LY86: variants seen among roughly 807,000 people sequenced by gnomAD.
LY86 encodes MD-1, RP105-associated.
LY86 carries 20 observed loss-of-function variants against 17.3 expected under a neutral mutation model. That is an observed-to-expected ratio of 1.15 (90% confidence interval 0.81 to 1.68). LY86 has a LOEUF of 1.68. Among genes scored for constraint, LY86 ranks in the 40% most tolerant of loss-of-function variants. LY86 has a pLI of 0.00. For missense variants in LY86, 200 were observed against 191.9 expected, an observed-to-expected ratio of 1.04 and a Z score of -0.25; for synonymous variants, 74 against 70.6, an observed-to-expected ratio of 1.05 and a Z score of -0.24.
chr6:6,606,025 G>A (rs537451845), intron 1 of LY86, among the ~76,000 whole-genome samples: 18 of 152,308 alleles, frequency 1.2e-4, no homozygotes, highest in Admixed American at 4.6e-4. Context: ...AACTTCCACA[G>A]CACGTAATAC....
At chr6:6,625,864 G>A (rs1047131951) in intron 2 of LY86, among the ~76,000 whole-genome samples, 3 of 152,186 alleles carry the variant, frequency 2.0e-5, no homozygotes, top group South Asian at 2.1e-4. Flanking sequence ...GGAACCCGCT[G>A]CAGCTTCCTG....
chr6:6,603,615 C>CAAAAAAAAAAAAAAAAAAAAAAAAAAA (rs1221531073), intron 1 of LY86, among the ~76,000 whole-genome samples: 2 of 114,176 alleles, frequency 1.8e-5, no homozygotes, highest in African/African-American at 6.8e-5. Flanking sequence ...GAAAAAAAAA[C>CAAAAAAAAAAAAAAAAAAAAAAAAAAA]AAACAAAAAA....
intron 3 of LY86, among the ~76,000 whole-genome samples, chr6:6,643,324 A>G (rs1228188059): frequency 1.3e-5 from 2 of 152,258 alleles, no homozygotes; most frequent in African/African-American, 4.8e-5. Context: ...ACAATGGAAT[A>G]TGATTCAGCC....
At chr6:6,653,207 C>T (rs962684385) in intron 4 of LY86, among the ~76,000 whole-genome samples, 2 of 152,208 alleles carry the variant, frequency 1.3e-5, no homozygotes, top group Non-Finnish European at 2.9e-5. Context: ...ACTCCACTCT[C>T]TTTGGAAGCT....
chr6:6,595,481 G>A (rs1309348395), intron 1 of LY86, among the ~76,000 whole-genome samples: 2 of 151,288 alleles, frequency 1.3e-5, no homozygotes, highest in Non-Finnish European at 3.0e-5. Context: ...GGAGGGGAGA[G>A]ATTCATCTCC....
chr6:6,601,310 T>TC (rs1036420142), intron 1 of LY86, among the ~76,000 whole-genome samples: 67 of 152,076 alleles, frequency 4.4e-4, no homozygotes, highest in African/African-American at 1.5e-3. Flanking sequence ...ACCACAGTCA[T>TC]CCCCTACATC....
chr6:6,591,809 AGCAG>A (rs138328000), intron 1 of LY86, among the ~76,000 whole-genome samples: 65 of 152,340 alleles, frequency 4.3e-4, no homozygotes, highest in Non-Finnish European at 2.6e-4. Context: ...GAGTTTAATC[AGCAG>A]GCAAAGTGGA....
chr6:6,621,729 G>A (rs7770797), intron 1 of LY86, among the ~76,000 whole-genome samples: 102,103 of 151,996 alleles, frequency 0.67, 35,698 homozygotes, highest in African/African-American at 0.87. Context: ...TAAGGTTCTC[G>A]GCAAATTTAC....
intron 1 of LY86, among the ~76,000 whole-genome samples, chr6:6,616,869 A>AAAAC (rs1761567274): frequency 6.6e-6 from 1 of 152,222 alleles, no homozygotes; most frequent in African/African-American, 2.4e-5. Context: ...CCCTGTCAAG[A>AAAAC]GACAGACAAA....
At chr6:6,612,811 G>A (rs565826795) in intron 1 of LY86, among the ~76,000 whole-genome samples, 1 of 152,292 alleles carries the variant, frequency 6.6e-6, no homozygotes, top group Admixed American at 6.5e-5. Flanking sequence ...GACACAGAGT[G>A]CTGATTGGTG....
At chr6:6,608,636 A>T (rs1024157720) in intron 1 of LY86, among the ~76,000 whole-genome samples, 3 of 152,224 alleles carry the variant, frequency 2.0e-5, no homozygotes, top group Admixed American at 6.5e-5. Flanking sequence ...TAATGTTTCC[A>T]TGCACACTAA....
At chr6:6,626,553 T>A (rs1561788619) in intron 3 of LY86, 132 bp downstream of exon 3, 2 of 929,264 alleles carry the variant, frequency 2.2e-6, no homozygotes, top group Admixed American at 4.9e-5. Flanking sequence ...TATCCTCACT[T>A]ATCAGCATGT....
chr6:6,638,595 T>A (rs529392953), intron 3 of LY86, among the ~76,000 whole-genome samples: 44 of 78,014 alleles, frequency 5.6e-4, no homozygotes, highest in African/African-American at 1.8e-3. Flanking sequence ...CACAGAACAT[T>A]CCCATTTTTG....
intron 1 of LY86, among the ~76,000 whole-genome samples, chr6:6,613,543 G>A (rs1314214516): frequency 6.6e-6 from 1 of 152,136 alleles, no homozygotes; most frequent in African/African-American, 2.4e-5. Flanking sequence ...CGCTCCGAGT[G>A]CGGGGCCCGC....
At chr6:6,639,716 A>C (rs12213188) in intron 3 of LY86, among the ~76,000 whole-genome samples, 50,726 of 151,868 alleles carry the variant, frequency 0.33, 8,655 homozygotes, top group Middle Eastern at 0.43. Context: ...AGGGTAATCT[A>C]CCCATCTCAA....
At chr6:6,604,634 A>G (rs891888442) in intron 1 of LY86, among the ~76,000 whole-genome samples, 1 of 152,228 alleles carries the variant, frequency 6.6e-6, no homozygotes, top group African/African-American at 2.4e-5. Flanking sequence ...AAAATTTTCC[A>G]GAACTGCAAA....
chr6:6,590,084 C>T (rs1044861879), intron 1 of LY86, among the ~76,000 whole-genome samples: 1 of 138,556 alleles, frequency 7.2e-6, no homozygotes, highest in African/African-American at 2.7e-5. Flanking sequence ...TGCCATTGTA[C>T]TCCAGCCTGG....
chr6:6,603,969 T>G (rs1761010758), intron 1 of LY86, among the ~76,000 whole-genome samples: 1 of 152,160 alleles, frequency 6.6e-6, no homozygotes, highest in Non-Finnish European at 1.5e-5. Flanking sequence ...AACTAAGTCT[T>G]CCATGCAAAT....
intron 3 of LY86, among the ~76,000 whole-genome samples, chr6:6,644,295 G>C (rs1469874976): frequency 6.6e-6 from 1 of 152,140 alleles, no homozygotes; most frequent in East Asian, 1.9e-4. Context: ...AGGCCAAGGT[G>C]GGTGAATCAC....
Sources: allele counts gnomAD v4.1 joint callset (sites outside exome capture counted in the v4.1 genomes callset), GRCh38; gene constraint gnomAD v4.1.1; transcripts MANE v1.5; gene names NCBI Gene and HGNC (gene_info 2026-07-23, HGNC 2026-07-21).